The following TRPM3 variants were observed in gnomAD, a reference collection of about 807,000 sequenced individuals.
TRPM3 encodes the protein long transient receptor potential channel 3.
TRPM3 carries 77 observed loss-of-function variants against 181.2 expected under a neutral mutation model. That is an observed-to-expected ratio of 0.42 (90% CI 0.35 to 0.51). The LOEUF (loss-of-function observed/expected upper bound fraction) is 0.51, where lower values mean the gene tolerates loss of function less well. Among genes scored for constraint, TRPM3 ranks in the 20% least tolerant of loss-of-function variants. The pLI is 0.01. For synonymous variants in TRPM3, 745 were observed against 796.4 expected (o/e 0.94, Z 1.09); for missense variants, 1,759 against 2,196.7 (o/e 0.80, Z 3.98).
intron 1 of TRPM3, among the ~76,000 whole-genome samples, chr9:70,936,640 C>T (rs1469334182): frequency 6.6e-6 from 1 of 152,166 alleles, no homozygotes; most frequent in Non-Finnish European, 1.5e-5. Context: ...AAGCTACAGT[C>T]TTTATCTCTC....
At chr9:70,879,799 T>A (rs2132673916) in intron 1 of TRPM3, among the ~76,000 whole-genome samples, 1 of 152,256 alleles carries the variant, frequency 6.6e-6, no homozygotes, top group African/African-American at 2.4e-5. Flanking sequence ...AGCCTTAAAA[T>A]ATTGGGACAA....
intron 6 of TRPM3, among the ~76,000 whole-genome samples, chr9:70,801,022 C>G (rs549897878): frequency 8.0e-4 from 122 of 152,308 alleles, no homozygotes; most frequent in African/African-American, 2.9e-3. Flanking sequence ...ATTCTTGGTG[C>G]TCTACTGAGT....
intron 1 of TRPM3, among the ~76,000 whole-genome samples, chr9:71,258,304 G>A (rs1368675437): frequency 3.3e-5 from 5 of 152,146 alleles, no homozygotes; most frequent in African/African-American, 1.2e-4. Context: ...GCTGGGACTT[G>A]AACCCAGGTA....
intron 1 of TRPM3, chr9:70,917,465 A>G (rs1211955042): frequency 9.4e-6 from 7 of 747,270 alleles, no homozygotes; most frequent in Non-Finnish European, 1.7e-5. Flanking sequence ...GGCCACCCGC[A>G]CTGTCACTGC....
At chr9:71,395,010 A>G (rs2132978066) in intron 1 of TRPM3, among the ~76,000 whole-genome samples, 1 of 152,312 alleles carries the variant, frequency 6.6e-6, no homozygotes, top group Non-Finnish European at 1.5e-5. Context: ...AACTGGAAGT[A>G]CCACTGTCAT....
At chr9:71,199,797 A>G (rs1413108099) in intron 1 of TRPM3, among the ~76,000 whole-genome samples, 1 of 150,562 alleles carries the variant, frequency 6.6e-6, no homozygotes, top group South Asian at 2.1e-4. Flanking sequence ...CAGTCTATCA[A>G]TTTTGTTGAT....
At chr9:70,752,002 G>GTGTA (rs1554685672) in intron 8 of TRPM3, among the ~76,000 whole-genome samples, 6,643 of 97,276 alleles carry the variant, frequency 0.068, 141 homozygotes, top group African/African-American at 0.11. Context: ...TCTCAACAGT[G>GTGTA]TGTGTGTGTG....
At chr9:70,564,364 T>C (rs1226529357) in intron 22 of TRPM3, among the ~76,000 whole-genome samples, 1 of 152,098 alleles carries the variant, frequency 6.6e-6, no homozygotes. Flanking sequence ...TTCTGAGCAA[T>C]GAGGGCAGGA....
At position 70,786,590 on chromosome 9, in the gene TRPM3, T is replaced by C. The variant is rs562492024; in HGVS notation, c.974-2311A>G. On this transcript the variant is annotated intron_variant, in intron 6 of 25. Coordinates refer to ENST00000677713, the MANE Select transcript of TRPM3 (RefSeq NM_001366145.2). Reference sequence around the variant, plus strand: ...TGCTCTCATAAAAATATCCACCCCATAGGGATTTGTATTTTATAACATGCC... The same window carrying C: ...TGCTCTCATAAAAATATCCACCCCACAGGGATTTGTATTTTATAACATGCC... 9.3e-4 allele frequency among the ~76,000 whole-genome samples: 142 copies of C among 152,350 alleles called. 1 individual carries two copies. The highest frequency in any genetic ancestry group is 2.6e-3 in the African/African-American group (110 of 41,588).
At chr9:71,150,494 A>G (rs1318513558) in intron 1 of TRPM3, among the ~76,000 whole-genome samples, 1 of 152,160 alleles carries the variant, frequency 6.6e-6, no homozygotes, top group African/African-American at 2.4e-5. Flanking sequence ...TAAATTGTAA[A>G]GAGTAAATAG....
chr9:70,914,173 A>T (rs528588150), intron 1 of TRPM3, among the ~76,000 whole-genome samples: 13 of 152,212 alleles, frequency 8.5e-5, no homozygotes, highest in Non-Finnish European at 1.3e-4. Flanking sequence ...GTTAATGCCC[A>T]TATAAAAGAG....
At chr9:70,838,397 A>G (rs1010348602) in intron 5 of TRPM3, among the ~76,000 whole-genome samples, 5 of 152,196 alleles carry the variant, frequency 3.3e-5, no homozygotes, top group Non-Finnish European at 7.3e-5. Context: ...GACCCCAGAG[A>G]GATCCCTATC....
intron 1 of TRPM3, among the ~76,000 whole-genome samples, chr9:71,445,877 C>T (rs1378391918): frequency 6.6e-6 from 1 of 152,192 alleles, no homozygotes; most frequent in East Asian, 1.9e-4. Flanking sequence ...AACAGGAGGA[C>T]TTTGCACTCT....
At chr9:70,570,577 T>C (rs2052025088) in intron 22 of TRPM3, among the ~76,000 whole-genome samples, 1 of 152,198 alleles carries the variant, frequency 6.6e-6, no homozygotes, top group Non-Finnish European at 1.5e-5. Flanking sequence ...CCAAGGATTA[T>C]GCTGGGATTA....
At chr9:71,025,724 T>C (rs2097890137) in intron 1 of TRPM3, among the ~76,000 whole-genome samples, 1 of 152,090 alleles carries the variant, frequency 6.6e-6, no homozygotes, top group South Asian at 2.1e-4. Flanking sequence ...GCTTCTAAGA[T>C]AGTAGAGAGC....
At chr9:71,302,037 T>C (rs1504401) in intron 1 of TRPM3, among the ~76,000 whole-genome samples, 124,728 of 152,070 alleles carry the variant, frequency 0.82, 51,848 homozygotes, top group East Asian at 0.94. Flanking sequence ...GTAATTTCCA[T>C]AGCTTTGGGA....
chr9:71,084,849 A>G lies in TRPM3; in HGVS notation c.177+36329T>C, dbSNP rs548499492. ...AGTCCTAGGCAATAAGAACAAAGAC[A>G]GTGACATCACGTTACCCAACTTCAA... On this transcript the variant is annotated intron_variant, in intron 1 of 25. Transcript: ENST00000677713. Among the ~76,000 whole-genome samples, 141 of 152,176 alleles carry G rather than the reference A, an allele frequency of 9.3e-4. 1 individual carries two copies. Among genetic ancestry groups the G allele is most frequent in the African/African-American group, 3.2e-3 (132 of 41,568 alleles).
At chr9:71,320,154 A>T (rs1446085172) in intron 1 of TRPM3, among the ~76,000 whole-genome samples, 3 of 152,040 alleles carry the variant, frequency 2.0e-5, no homozygotes, top group African/African-American at 7.2e-5. Context: ...TATATTAAAA[A>T]GAACAGCAAT....
Position 70,761,586 on chromosome 9 carries a change from T to G in TRPM3, c.1272+15A>C, listed in dbSNP as rs752259536. On this transcript the variant is annotated intron_variant, in intron 8 of 25. Transcript: ENST00000677713. ...AAATGTGGAGACAGCTGGCCACCCA[T>G]GCGGAATTACCTACCAATTCCTTCT... The G allele has an allele frequency of 9.9e-6, 16 of 1,613,942 alleles. No homozygotes were observed. The highest frequency in any genetic ancestry group is 1.4e-5 in the Non-Finnish European group (16 of 1,179,930).
Sources: gnomAD v4.1 joint callset for allele counts (sites outside exome capture counted in the v4.1 genomes callset) on GRCh38, gnomAD v4.1.1 for gene constraint, MANE v1.5 for transcripts, NCBI Gene and HGNC (gene_info 2026-07-23, HGNC 2026-07-21) for gene names.